Variants in DYNC2H1 observed in about 807,000 individuals in gnomAD.
The protein encoded by DYNC2H1 is dynein cytoplasmic 2 heavy chain 1.
Under a neutral mutation model 570.0 loss-of-function variants are expected in DYNC2H1, and 410 were observed. That is an observed-to-expected ratio of 0.72 (90% CI 0.66 to 0.78). DYNC2H1 has a LOEUF of 0.78. DYNC2H1 is among the 30% of genes least tolerant of loss of function. The pLI is 0.00. For synonymous variants in DYNC2H1, 1,688 were observed against 1,677.6 expected, an observed-to-expected ratio of 1.01 and a Z score of -0.15; for missense variants, 4,865 against 5,046.4, an observed-to-expected ratio of 0.96 and a Z score of 1.09.
intron 80 of DYNC2H1, among the ~76,000 whole-genome samples, chr11:103,317,738 T>G (rs1475140762): frequency 6.6e-6 from 1 of 152,180 alleles, no homozygotes; most frequent in African/African-American, 2.4e-5. Context: ...TGTTCACTTC[T>G]CAGCTTGGAT....
At chr11:103,426,774 T>G (rs1199871320) in intron 84 of DYNC2H1, among the ~76,000 whole-genome samples, 1 of 150,920 alleles carries the variant, frequency 6.6e-6, no homozygotes, top group Non-Finnish European at 1.5e-5. Context: ...CCTCAAGCAT[T>G]TGATTGATTG....
At chr11:103,457,157 C>T (rs1248717652) in intron 87 of DYNC2H1, among the ~76,000 whole-genome samples, 1 of 152,138 alleles carries the variant, frequency 6.6e-6, no homozygotes, top group East Asian at 1.9e-4. Context: ...CTAGTGTAAA[C>T]AAATCTGCGC....
Position 103,286,350 on chromosome 11 carries a change from A to G in DYNC2H1, c.10986A>G (p.Pro3662=). ...ATTCAATGTGTGAGCAAGAGTTTCC[A>G]TCTATCCTTGCAAAGAAAGTTTCCT... ...YNNSMCEQEF[P]SILAKKVSLF... The change falls in exon 74 of 89, where the codon CCA becomes CCG. Residue 3662 remains proline (P), a synonymous_variant. Transcript: ENST00000375735. 1 of 1,613,286 alleles carries G rather than the reference A, an allele frequency of 6.2e-7. No homozygotes were observed. Among genetic ancestry groups the G allele is most frequent in the African/African-American group, 1.3e-5 (1 of 75,038 alleles).
intron 82 of DYNC2H1, among the ~76,000 whole-genome samples, chr11:103,332,692 T>C (rs71480484): frequency 0.044 from 6,753 of 152,110 alleles, 312 homozygotes; most frequent in East Asian, 0.19. Flanking sequence ...CAGCAAAATA[T>C]CTTTCAAAAT....
chr11:103,324,057 C>T lies in DYNC2H1; in HGVS notation c.12039+67C>T. 1 of 1,194,034 alleles carries T rather than the reference C, an allele frequency of 8.4e-7. No individual in the cohort carries two copies. The highest frequency in any genetic ancestry group is 1.1e-6 in the Non-Finnish European group (1 of 872,890). The allele number at this position is 1,194,034 out of a possible 1,614,324, so 74.0% of individuals were successfully genotyped here. A position where few individuals can be genotyped will look rare whatever the true frequency, so the allele number is the denominator to read the frequency against. ...TGAGCCTGAAGGAGACAAAATTAAA[C>T]TTGATTTAGTACTGTAGACCCCACA... is the stretch of plus-strand genomic sequence containing the variant. On this transcript the variant is annotated intron_variant, in intron 82 of 88. Transcript: ENST00000375735. This position sits in a 1 kb window ranked among gnomAD's most constrained non-coding sequence, Gnocchi z 5.2.
intron 12 of DYNC2H1, among the ~76,000 whole-genome samples, chr11:103,125,657 G>T (rs897165848): frequency 1.4e-4 from 21 of 152,078 alleles, no homozygotes; most frequent in African/African-American, 5.1e-4. Flanking sequence ...AATGGTTTCT[G>T]TTTCTAGTCA....
In DYNC2H1 at chr11:103,299,238, C is replaced by T. The variant is rs1310076833; in HGVS notation, c.11096-3855C>T. The stretch of plus-strand genomic sequence containing the variant: ...TTCTGTACCTCTTATGGCATCATCC[C>T]ATCCCATGCACCCTGCTTTCATAGC... On this transcript the variant is annotated intron_variant, in intron 75 of 88. Coordinates refer to ENST00000375735, the MANE Select transcript of DYNC2H1 (RefSeq NM_001377.3). The surrounding 1 kb of genome is among the most constrained non-coding windows in gnomAD (Gnocchi z 4.5). 6.6e-6 allele frequency among the ~76,000 whole-genome samples: 1 copy of T among 152,090 alleles called. No homozygotes were observed. Among genetic ancestry groups the T allele is most frequent in the Non-Finnish European group, 1.5e-5 (1 of 68,006 alleles).
At chr11:103,449,636 G>T (rs943642781) in intron 85 of DYNC2H1, among the ~76,000 whole-genome samples, 4 of 151,532 alleles carry the variant, frequency 2.6e-5, no homozygotes, top group African/African-American at 9.7e-5. Flanking sequence ...CTCTATACAT[G>T]TGGTAATTAT....
At chr11:103,467,863 T>C (rs1244133649) in intron 87 of DYNC2H1, among the ~76,000 whole-genome samples, 1 of 152,186 alleles carries the variant, frequency 6.6e-6, no homozygotes, top group African/African-American at 2.4e-5. Flanking sequence ...AGTTTGTTTA[T>C]ATTTTGTACC....
intron 83 of DYNC2H1, among the ~76,000 whole-genome samples, chr11:103,372,951 A>G (rs556147786): frequency 1.3e-5 from 2 of 151,550 alleles, no homozygotes; most frequent in African/African-American, 2.4e-5. Context: ...GTGTGTGTGT[A>G]TGTGTGTTTG....
chr11:103,390,281 T>C (rs1302035695), intron 83 of DYNC2H1, among the ~76,000 whole-genome samples: 6 of 151,598 alleles, frequency 4.0e-5, no homozygotes, highest in Non-Finnish European at 7.4e-5. Context: ...TGATCTTTGT[T>C]GGCTTAAAGT....
rs747055779 is a variant in DYNC2H1, at chr11:103,280,520, CTAT to C, written c.10761+110_10761+112del. 151 of 979,662 alleles carry C rather than the reference CTAT, an allele frequency of 1.5e-4. No individual in the cohort carries two copies. Among genetic ancestry groups the C allele is most frequent in the Non-Finnish European group, 2.2e-4 (142 of 650,464 alleles). The allele number at this position is 979,662 out of a possible 1,614,324, so 60.7% of individuals were successfully genotyped here. A position where few individuals can be genotyped will look rare whatever the true frequency, so the allele number is the denominator to read the frequency against. ...TTTAGGCTAGAAATTATATATCAAC[CTAT>C]TAATCTTTTACTAAGTTAGAAATGT... is the stretch of plus-strand genomic sequence containing the variant. On this transcript the variant is annotated intron_variant, in intron 71 of 88. Coordinates refer to ENST00000375735, the MANE Select transcript of DYNC2H1 (RefSeq NM_001377.3). The surrounding 1 kb of genome is among the most constrained non-coding windows in gnomAD (Gnocchi z 4.7).
intron 83 of DYNC2H1, among the ~76,000 whole-genome samples, chr11:103,389,051 T>C (rs1274477282): frequency 2.0e-5 from 3 of 152,194 alleles, no homozygotes; most frequent in Non-Finnish European, 4.4e-5. Flanking sequence ...CTTTTTCTAT[T>C]GATTGGAATA....
chr11:103,286,420 G>A, intron 74 of DYNC2H1, 34 bp downstream of exon 74: 9 of 1,599,184 alleles, frequency 5.6e-6, no homozygotes, highest in Non-Finnish European at 7.7e-6. Flanking sequence ...GCAAAAAAGT[G>A]TTTAATGTTT....
intron 84 of DYNC2H1, among the ~76,000 whole-genome samples, chr11:103,426,303 A>G (rs1490649882): frequency 6.6e-6 from 1 of 152,202 alleles, no homozygotes. Context: ...GAAGGCTGTC[A>G]GCCCCCTGAT....
At chr11:103,118,613 C>T (rs1858542994) in intron 6 of DYNC2H1, among the ~76,000 whole-genome samples, 4 of 151,884 alleles carry the variant, frequency 2.6e-5, no homozygotes, top group Admixed American at 6.6e-5. Context: ...AACAAAATGA[C>T]GATAATTCCT....
intron 79 of DYNC2H1, among the ~76,000 whole-genome samples, chr11:103,316,027 C>T (rs1937811210): frequency 6.6e-6 from 1 of 151,926 alleles, no homozygotes; most frequent in African/African-American, 2.4e-5. Context: ...ATTGTCTACA[C>T]AATATAGAGC....
At chr11:103,123,101 A>G (rs1035642634) in intron 11 of DYNC2H1, 101 bp downstream of exon 11, 8 of 978,620 alleles carry the variant, frequency 8.2e-6, no homozygotes, top group East Asian at 3.3e-5. Context: ...CAAACTTGCT[A>G]CTCCTCCTGT....
intron 84 of DYNC2H1, among the ~76,000 whole-genome samples, chr11:103,433,645 A>C (rs768412811): frequency 4.6e-5 from 7 of 152,138 alleles, no homozygotes; most frequent in Non-Finnish European, 1.0e-4. Flanking sequence ...GAAATTATTT[A>C]CATTTCCTCA....
Sources: allele counts gnomAD v4.1 joint callset (sites outside exome capture counted in the v4.1 genomes callset), GRCh38; gene constraint gnomAD v4.1.1; non-coding constraint Gnocchi (gnomAD v3.1); transcripts MANE v1.5; gene names NCBI Gene and HGNC (gene_info 2026-07-23, HGNC 2026-07-21).